Variants in KIF18A observed in about 807,000 individuals in gnomAD.
The protein encoded by KIF18A is kinesin family member 18A.
In KIF18A, 67 loss-of-function variants were observed where a neutral mutation model predicts 103.3. That is an observed-to-expected ratio of 0.65 (90% confidence interval 0.53 to 0.79). The LOEUF (loss-of-function observed/expected upper bound fraction) is 0.79. KIF18A is among the 30% of genes least tolerant of loss of function. The probability of loss-of-function intolerance (pLI) is 0.00; values close to 1 mark genes in which losing one functional copy is unlikely to be tolerated. For synonymous variants in KIF18A, 367 were observed against 355.5 expected, an observed-to-expected ratio of 1.03 and a Z score of -0.36; for missense variants, 1,032 against 1,062.5, an observed-to-expected ratio of 0.97 and a Z score of 0.40.
intron 13 of KIF18A, among the ~76,000 whole-genome samples, chr11:28,050,600 T>C (rs1348195283): frequency 3.3e-5 from 5 of 151,936 alleles, no homozygotes; most frequent in East Asian, 1.9e-4. Context: ...ATCACTGACA[T>C]TGGGTGCAAA....
chr11:28,025,129 T>C (rs973828282), intron 15 of KIF18A, among the ~76,000 whole-genome samples: 1 of 152,036 alleles, frequency 6.6e-6, no homozygotes, highest in Non-Finnish European at 1.5e-5. Context: ...CGGTTGACCA[T>C]GGGTAACTGA....
intron 15 of KIF18A, among the ~76,000 whole-genome samples, chr11:28,025,352 T>C (rs1160173701): frequency 1.3e-5 from 2 of 152,214 alleles, no homozygotes; most frequent in East Asian, 3.9e-4. Context: ...GCAGAAATTC[T>C]TTTTTGATCA....
intron 13 of KIF18A, among the ~76,000 whole-genome samples, chr11:28,052,396 A>C (rs773060266): frequency 2.6e-5 from 4 of 151,854 alleles, no homozygotes; most frequent in African/African-American, 4.8e-5. Context: ...CACTACTTTC[A>C]TTCTCTTTTT....
At chr11:28,051,272 T>C (rs1850707920) in intron 13 of KIF18A, among the ~76,000 whole-genome samples, 1 of 151,810 alleles carries the variant, frequency 6.6e-6, no homozygotes, top group African/African-American at 2.4e-5. Flanking sequence ...AGGGCTAGCA[T>C]ACTATATAAA....
intron 1 of KIF18A, among the ~76,000 whole-genome samples, chr11:28,103,675 T>G (rs1851471917): frequency 1.3e-5 from 2 of 151,988 alleles, no homozygotes; most frequent in African/African-American, 4.8e-5. Flanking sequence ...ATGAATGAAT[T>G]AATAAACTAT....
At chr11:28,044,279 A>C (rs145537669) in intron 13 of KIF18A, among the ~76,000 whole-genome samples, 3 of 152,038 alleles carry the variant, frequency 2.0e-5, no homozygotes, top group African/African-American at 7.2e-5. Flanking sequence ...CTTCTCTGTA[A>C]TACTGGTAGC....
chr11:28,097,535 A>T (rs1296843158), intron 2 of KIF18A, 88 bp downstream of exon 2: 2 of 855,648 alleles, frequency 2.3e-6, no homozygotes, highest in Non-Finnish European at 3.9e-6. Flanking sequence ...CTTAAATTTG[A>T]TTATATTTAG....
intron 9 of KIF18A, among the ~76,000 whole-genome samples, chr11:28,082,110 G>A (rs1207280090): frequency 6.6e-6 from 1 of 152,016 alleles, no homozygotes; most frequent in Non-Finnish European, 1.5e-5. Flanking sequence ...CAAAGAAAAT[G>A]GTTTCTTGAG....
Position 28,077,168 on chromosome 11 carries a change from A to G in KIF18A, c.1264T>C (p.Phe422Leu), listed in dbSNP as rs1402877663. 6.4e-7 allele frequency: 1 copy of G among 1,559,084 alleles called. No homozygotes were observed. The highest frequency in any genetic ancestry group is 1.2e-5 in the South Asian group (1 of 82,474). ...AACAAGCAGTTCAGGATTTCTTGAA[A>G]CCTACCAAAATTAAAACACATTACA... ...SNPQEKEIER[F>L]QEILNCLFQN... Residue 422 changes from phenylalanine (F) to leucine (L), a missense_variant and splice_region_variant, in exon 10 of 17, where the codon TTT becomes CTT. Phe to Leu is a conservative substitution (Grantham distance 22, BLOSUM62 0). Coordinates refer to ENST00000263181, the MANE Select transcript of KIF18A (RefSeq NM_031217.4).
intron 12 of KIF18A, among the ~76,000 whole-genome samples, chr11:28,061,449 A>T (rs1229924683): frequency 6.6e-6 from 1 of 152,124 alleles, no homozygotes; most frequent in Non-Finnish European, 1.5e-5. Context: ...ATCTTAAGAT[A>T]GTATATTCAT....
At chr11:28,045,169 C>T (rs1850615072) in intron 13 of KIF18A, among the ~76,000 whole-genome samples, 1 of 151,836 alleles carries the variant, frequency 6.6e-6, no homozygotes, top group Non-Finnish European at 1.5e-5. Context: ...TGATGAAGTA[C>T]ATAAAAAAGA....
rs752671024 is a variant in KIF18A, at chr11:28,036,667, A to C, written c.1949-3T>G. 1 of 1,528,162 alleles carries C rather than the reference A, an allele frequency of 6.5e-7. No individual in the cohort carries two copies. Among genetic ancestry groups the C allele is most frequent in the African/African-American group, 1.4e-5 (1 of 71,816 alleles). 94.7% of individuals were successfully genotyped at this position (1,528,162 alleles called of 1,614,324 possible). A position where few individuals can be genotyped will look rare whatever the true frequency, so the allele number is the denominator to read the frequency against. On this transcript the variant is annotated splice_region_variant and splice_polypyrimidine_tract_variant and intron_variant, in intron 13 of 16. Transcript: ENST00000263181. ...ATTAGTTCCACCTGAAGATGAGCCT[A>C]TTCAAAAAAATAAAAAAAGACACTC...
At chr11:28,024,086 G>A (rs567811989) in intron 15 of KIF18A, among the ~76,000 whole-genome samples, 46 of 150,674 alleles carry the variant, frequency 3.1e-4, no homozygotes, top group Admixed American at 2.7e-3. Context: ...GATTGTAGGT[G>A]TATGTTACAA....
intron 13 of KIF18A, among the ~76,000 whole-genome samples, chr11:28,040,068 A>G (rs1850539471): frequency 2.0e-5 from 3 of 151,828 alleles, no homozygotes; most frequent in African/African-American, 7.2e-5. Flanking sequence ...AACTATAAAC[A>G]TAAAAGGAAA....
chr11:28,097,757 A>G lies in KIF18A; in HGVS notation c.191T>C (p.Val64Ala). The G allele has an allele frequency of 3.1e-6, 5 of 1,611,922 alleles. No homozygotes were observed. Among genetic ancestry groups the G allele is most frequent in the Non-Finnish European group, 4.2e-6 (5 of 1,178,492 alleles). Reference sequence around the variant, plus strand: ...AAGATCCTTATTTTGTTTCTTTATAACATTTTGATTTGTAGTTTTCTTTCC... The same window carrying G: ...AAGATCCTTATTTTGTTTCTTTATAGCATTTTGATTTGTAGTTTTCTTTCC... Reference protein sequence around the residue: ...FHGKKTTNQNVIKKQNKDLKF... With the variant: ...FHGKKTTNQNAIKKQNKDLKF... Residue 64 changes from valine to alanine, a missense_variant, in exon 2 of 17, where the codon GTT becomes GCT. By Grantham distance (64) the Val-to-Ala change is moderately conservative (BLOSUM62 0). Coordinates refer to ENST00000263181, the MANE Select transcript of KIF18A (RefSeq NM_031217.4).
chr11:28,044,928 A>C (rs1427000682), intron 13 of KIF18A, among the ~76,000 whole-genome samples: 1 of 152,162 alleles, frequency 6.6e-6, no homozygotes, highest in East Asian at 1.9e-4. Flanking sequence ...TCATAATGAA[A>C]ACATAATTAA....
intron 3 of KIF18A, 130 bp downstream of exon 3, chr11:28,094,513 C>A: frequency 9.9e-6 from 7 of 708,802 alleles, no homozygotes; most frequent in South Asian, 2.4e-5. Flanking sequence ...AGATGCATAA[C>A]AAATATTCAA....
intron 14 of KIF18A, 29 bp downstream of exon 14, chr11:28,036,188 A>T: frequency 7.0e-7 from 1 of 1,438,306 alleles, no homozygotes; most frequent in Non-Finnish European, 9.4e-7. Context: ...GTTAAAAAAA[A>T]AGAATTGGCA....
chr11:28,095,264 G>C (rs1344177534), intron 2 of KIF18A, among the ~76,000 whole-genome samples: 1 of 152,164 alleles, frequency 6.6e-6, no homozygotes, highest in African/African-American at 2.4e-5. Context: ...CTGTGATCTA[G>C]GGATACTTAA....
Sources: allele counts gnomAD v4.1 joint callset (sites outside exome capture counted in the v4.1 genomes callset), GRCh38; gene constraint gnomAD v4.1.1; transcripts MANE v1.5; gene names NCBI Gene and HGNC (gene_info 2026-07-23, HGNC 2026-07-21).